AOAH: variants seen among roughly 807,000 people sequenced by gnomAD.
The protein encoded by AOAH is acyloxyacyl hydrolase, also known as acyloxyacyl hydrolase (neutrophil).
AOAH carries 64 observed loss-of-function variants against 92.2 expected under a neutral mutation model. That is an observed-to-expected ratio of 0.69 (90% CI 0.57 to 0.86). The LOEUF is 0.86. Ranked by LOEUF, AOAH falls within the 40% of genes least tolerant of loss-of-function variation. The pLI is 0.00. For synonymous variants in AOAH, 263 were observed against 254.5 expected (o/e 1.03, Z -0.32); for missense variants, 656 against 694.6 (o/e 0.94, Z 0.62).
intron 19 of AOAH, among the ~76,000 whole-genome samples, chr7:36,527,319 A>T (rs964472445): frequency 2.0e-5 from 3 of 152,224 alleles, no homozygotes; most frequent in African/African-American, 7.2e-5. Context: ...ATCATGAAAA[A>T]TGAGAATATT....
At chr7:36,596,555 C>A (rs1387884644) in intron 11 of AOAH, among the ~76,000 whole-genome samples, 1 of 152,096 alleles carries the variant, frequency 6.6e-6, no homozygotes, top group African/African-American at 2.4e-5. Flanking sequence ...GAGGAAGAGA[C>A]AGAAATGAAG....
At chr7:36,716,837 C>T (rs1308943879) in intron 1 of AOAH, among the ~76,000 whole-genome samples, 10 of 151,578 alleles carry the variant, frequency 6.6e-5, no homozygotes, top group South Asian at 2.1e-4. Flanking sequence ...GTGGAGGGAG[C>T]GGGGAGGGAT....
Position 36,724,396 on chromosome 7 carries a change from G to A in AOAH, c.-248C>T. The A allele has an allele frequency of 5.3e-6, 2 of 379,478 alleles. No homozygotes were observed. Among genetic ancestry groups the A allele is most frequent in the South Asian group, 2.4e-5 (1 of 41,820 alleles). The allele number at this position is 379,478 out of a possible 1,614,324, so 23.5% of individuals were successfully genotyped here. On this transcript the variant is annotated 5_prime_UTR_variant, in exon 1 of 21. Coordinates refer to ENST00000617537, the MANE Select transcript of AOAH (RefSeq NM_001637.4). The stretch of plus-strand genomic sequence containing the variant: ...TGAGAGAGCCACACACAAAGAGCTG[G>A]AGGGAGTCTGTGGTGTGCGGTTCTG...
intron 4 of AOAH, among the ~76,000 whole-genome samples, chr7:36,641,217 T>C (rs1793883317): frequency 6.6e-6 from 1 of 152,230 alleles, no homozygotes; most frequent in Non-Finnish European, 1.5e-5. Flanking sequence ...TCAAGACTCA[T>C]GCATGGCTTT....
intron 11 of AOAH, among the ~76,000 whole-genome samples, chr7:36,597,580 A>G (rs1790222649): frequency 6.6e-6 from 1 of 152,174 alleles, no homozygotes; most frequent in Non-Finnish European, 1.5e-5. Flanking sequence ...GTAACCTGCA[A>G]AACACGTTGA....
chr7:36,698,182 T>C (rs1797830995), intron 1 of AOAH, among the ~76,000 whole-genome samples: 1 of 152,190 alleles, frequency 6.6e-6, no homozygotes, highest in Non-Finnish European at 1.5e-5. Context: ...AGAATTTGTG[T>C]ATTTTATCTA....
intron 19 of AOAH, among the ~76,000 whole-genome samples, chr7:36,523,239 CATATTATGCTT>C (rs1441609840): frequency 1.3e-5 from 2 of 152,220 alleles, no homozygotes; most frequent in Non-Finnish European, 2.9e-5. Flanking sequence ...GACACAGCAT[CATATTATGCTT>C]CTGGGTTTTA....
rs1176084058 is a variant in AOAH, at chr7:36,637,715, C to T, written c.450+136G>A. 4 of 777,292 alleles carry T rather than the reference C, an allele frequency of 5.1e-6. 1 individual carries two copies. The South Asian group carries it at 5.2e-5, about 10-fold the overall frequency. 48.1% of individuals were successfully genotyped at this position (777,292 alleles called of 1,614,324 possible). A position where few individuals can be genotyped will look rare whatever the true frequency, so the allele number is the denominator to read the frequency against. On this transcript the variant is annotated intron_variant, in intron 5 of 20. Coordinates refer to ENST00000617537, the MANE Select transcript of AOAH (RefSeq NM_001637.4). ...CAAGTGGAAGCAGTTCACATTCCTA[C>T]TTCCATCCCCACGTAGCTATGGCAT...
rs199759128 is a variant in AOAH at position 36,513,099 on chromosome 7, T to A, written c.*153A>T. ...ACAGCATTGCACAGTCGTCCAGATA[T>A]GCTCTTCATTGAGAGAAAGACATTT... On this transcript the variant is annotated 3_prime_UTR_variant, in exon 21 of 21. Coordinates refer to ENST00000617537, the MANE Select transcript of AOAH (RefSeq NM_001637.4). The A allele has an allele frequency of 3.2e-3, 5,155 of 1,592,226 alleles. 10 individuals are homozygous for A. The highest frequency in any genetic ancestry group is 4.0e-3 in the Non-Finnish European group (4,688 of 1,174,452).
At chr7:36,601,715 AGGGACATCTGCCCCACATGTG>A in intron 11 of AOAH, among the ~76,000 whole-genome samples, 1 of 152,344 alleles carries the variant, frequency 6.6e-6, no homozygotes, top group African/African-American at 2.4e-5. Flanking sequence ...AGCACATAGA[AGGGACATCTGCCCCACATGTG>A]GGGCTTTCAA....
At chr7:36,555,575 T>C (rs1463827092) in intron 13 of AOAH, among the ~76,000 whole-genome samples, 2 of 152,110 alleles carry the variant, frequency 1.3e-5, no homozygotes, top group Non-Finnish European at 2.9e-5. Flanking sequence ...AGTTCCTCCT[T>C]GTACCTCTGG....
At chr7:36,535,516 G>A (rs1016183556) in intron 16 of AOAH, among the ~76,000 whole-genome samples, 1 of 152,204 alleles carries the variant, frequency 6.6e-6, no homozygotes, top group African/African-American at 2.4e-5. Flanking sequence ...TTGGTTTCAA[G>A]TTTAAGAGTA....
intron 19 of AOAH, among the ~76,000 whole-genome samples, chr7:36,526,189 T>C (rs1784388264): frequency 6.6e-6 from 1 of 152,166 alleles, no homozygotes; most frequent in East Asian, 1.9e-4. Flanking sequence ...TATAAAATAA[T>C]ACAATAGGTG....
chr7:36,675,252 G>T (rs139746407), intron 2 of AOAH, among the ~76,000 whole-genome samples: 1 of 152,180 alleles, frequency 6.6e-6, no homozygotes, highest in Non-Finnish European at 1.5e-5. Flanking sequence ...GTGAAACTCC[G>T]TCTCAAATAA....
chr7:36,644,738 C>T (rs1794121440), intron 4 of AOAH, among the ~76,000 whole-genome samples: 1 of 152,162 alleles, frequency 6.6e-6, no homozygotes, highest in Non-Finnish European at 1.5e-5. Flanking sequence ...TTTGAGTGAT[C>T]AAGTTCTCTG....
intron 1 of AOAH, among the ~76,000 whole-genome samples, chr7:36,720,460 C>G (rs527955905): frequency 6.6e-6 from 1 of 152,178 alleles, no homozygotes; most frequent in South Asian, 2.1e-4. Flanking sequence ...CGTAAGCCAC[C>G]ACACACGACC....
At position 36,618,320 on chromosome 7, in the gene AOAH, G is replaced by A. The variant is rs80187893; in HGVS notation, c.728C>T (p.Pro243Leu). 4.7e-3 allele frequency: 7,555 copies of A among 1,613,322 alleles called. 84 individuals are homozygous for A. The highest frequency in any genetic ancestry group is 0.032 in the East Asian group (1,442 of 44,826). ...IWGVDPKDGV[P>L]YEKKFCEGSQ... ...ACCTTCACAGAATTTCTTCTCATATGGAACTCCATCTTTTGGATCGACACC... is the reference window on the plus strand; with the variant it reads ...ACCTTCACAGAATTTCTTCTCATATAGAACTCCATCTTTTGGATCGACACC... The change falls in exon 10 of 21, where the codon CCA becomes CTA. Residue 243 changes from proline (P) to leucine (L), a missense_variant. Pro to Leu is a moderately conservative substitution (Grantham distance 98). Coordinates refer to ENST00000617537, the MANE Select transcript of AOAH (RefSeq NM_001637.4).
intron 13 of AOAH, among the ~76,000 whole-genome samples, chr7:36,569,836 C>T (rs1788007506): frequency 6.6e-6 from 1 of 152,098 alleles, no homozygotes; most frequent in African/African-American, 2.4e-5. Flanking sequence ...TGGTCTCAAA[C>T]TCCTGACCTC....
intron 15 of AOAH, among the ~76,000 whole-genome samples, chr7:36,548,401 G>T (rs1785944601): frequency 6.6e-6 from 1 of 152,100 alleles, no homozygotes; most frequent in African/African-American, 2.4e-5. Flanking sequence ...GGCCAGGCTG[G>T]TCTCCAACTC....
Sources: allele counts gnomAD v4.1 joint callset (sites outside exome capture counted in the v4.1 genomes callset), GRCh38; gene constraint gnomAD v4.1.1; transcripts MANE v1.5; gene names NCBI Gene and HGNC (gene_info 2026-07-23, HGNC 2026-07-21).